The following PRSS23 variants were observed in gnomAD, a reference collection of about 807,000 sequenced individuals.
PRSS23 encodes serine protease 23, also known as protease, serine 23.
A neutral mutation model predicts 34.7 loss-of-function variants in PRSS23; 25 were observed. That is an observed-to-expected ratio of 0.72 (90% CI 0.53 to 1.01). The LOEUF is 1.01. Among genes scored for constraint, PRSS23 ranks in the 50% least tolerant of loss-of-function variants. PRSS23 has a pLI of 0.00. For missense variants in PRSS23, 445 were observed against 475.6 expected (o/e 0.94, Z 0.60); for synonymous variants, 176 against 186.6 (o/e 0.94, Z 0.46).
At chr11:86,814,537 GAAATGTCC>G (rs754397904), downstream of PRSS23, among the ~76,000 whole-genome samples, 23 of 152,184 alleles carry the variant, frequency 1.5e-4, no homozygotes, top group Non-Finnish European at 2.9e-5. Flanking sequence ...GTTATGTTTA[GAAATGTCC>G]CTCTGGCTAT....
chr11:86,939,426 A>ATATATATATATTTTTTTTT lies in PRSS23; in HGVS notation c.207-11789_207-11788insATATATATATTTTTTTTTT. On this transcript the variant is annotated intron_variant, in intron 2 of 2. Coordinates refer to the PRSS23 transcript ENST00000533902. ...AAAATATATATATATATATATATAT[A>ATATATATATATTTTTTTTT]TTTTTTAACATGAGTAAAAATTGCA... Among the ~76,000 whole-genome samples, 53 of 94,060 alleles carry ATATATATATATTTTTTTTT rather than the reference A, an allele frequency of 5.6e-4. 1 individual carries two copies. Among genetic ancestry groups the ATATATATATATTTTTTTTT allele is most frequent in the Non-Finnish European group, 9.5e-4 (41 of 43,160 alleles). The allele number at this position is 94,060 out of a possible 152,430, so 61.7% of individuals were successfully genotyped here.
chr11:86,891,707 C>T (rs1948842083), intron 2 of PRSS23, among the ~76,000 whole-genome samples: 1 of 152,022 alleles, frequency 6.6e-6, no homozygotes, highest in Admixed American at 6.6e-5. Flanking sequence ...AATTGTAATC[C>T]CCATAATCCC....
intron 2 of PRSS23, among the ~76,000 whole-genome samples, chr11:86,906,903 G>GT (rs1476275297): frequency 6.6e-6 from 1 of 152,098 alleles, no homozygotes; most frequent in African/African-American, 2.4e-5. Context: ...GCAATAAGCA[G>GT]TAAGTAGCAG....
At position 86,805,087 on chromosome 11, in the gene PRSS23, G is replaced by C. The variant is rs1178731272; in HGVS notation, c.-13-2544G>C. Among the ~76,000 whole-genome samples, 6 of 152,194 alleles carry C rather than the reference G, an allele frequency of 3.9e-5. No homozygotes were observed. The East Asian group carries it at 1.2e-3, about 29-fold the overall frequency. Reference sequence around the variant, plus strand: ...TTCCCCACATTACTCAAAGGGAGGAGAGAATGGTGCGTTGAAGCCCAAGAT... The same window carrying C: ...TTCCCCACATTACTCAAAGGGAGGACAGAATGGTGCGTTGAAGCCCAAGAT... On this transcript the variant is annotated intron_variant, in intron 1 of 1. Transcript: ENST00000280258.
chr11:86,926,232 G>A (rs2156171), intron 2 of PRSS23, among the ~76,000 whole-genome samples: 90,272 of 151,950 alleles, frequency 0.59, 27,190 homozygotes, highest in Non-Finnish European at 0.65. Context: ...GCGTGGTGCC[G>A]TGCACCTGTA....
At chr11:86,823,298 C>T (rs1044208335) in intron 1 of PRSS23, 12 of 674,748 alleles carry the variant, frequency 1.8e-5, no homozygotes, top group African/African-American at 8.9e-5. Flanking sequence ...ACTGACGGTC[C>T]GAGATGTAGA....
At position 86,838,149 on chromosome 11, in the gene PRSS23, A is replaced by G. The variant is rs145642788; in HGVS notation, c.206+14556A>G. ...CCAGTACACTTCATGTGTTTACAAT[A>G]TAAAATTTGATCTGCATTGACACAG... On this transcript the variant is annotated intron_variant, in intron 2 of 2. Transcript: ENST00000533902. Among the ~76,000 whole-genome samples the G allele has an allele frequency of 4.3e-4, 66 of 152,040 alleles. 1 individual carries two copies. Among genetic ancestry groups the G allele is most frequent in the African/African-American group, 1.5e-3 (64 of 41,454 alleles).
At chr11:86,807,522 G>T in intron 1 of PRSS23, 109 bp from the exon 2 acceptor site, 1 of 1,032,410 alleles carries the variant, frequency 9.7e-7, no homozygotes, top group South Asian at 1.7e-5. Context: ...TTCCTGAGGA[G>T]TGTTCAAAGA....
rs147362913 is a variant in PRSS23 at position 86,904,075 on chromosome 11, AG to A, written c.207-47138del. On this transcript the variant is annotated intron_variant, in intron 2 of 2. Transcript: ENST00000533902. ...CACTATGGCTGGAATGAGGTAAATC[AG>A]GGATAGCATATAGGTCTGAACATGC... Among the ~76,000 whole-genome samples the A allele has an allele frequency of 8.1e-3, 1,227 of 152,298 alleles. 16 individuals carry two copies. Among genetic ancestry groups the A allele is most frequent in the African/African-American group, 0.027 (1,102 of 41,558 alleles).
In PRSS23 at chr11:86,808,117, G is replaced by A. The variant is rs765752213; in HGVS notation, c.474G>A (p.Thr158=). 50 of 1,614,040 alleles carry A rather than the reference G, an allele frequency of 3.1e-5. No individual in the cohort carries two copies. In the Admixed American group the frequency reaches 6.8e-4, roughly 22 times the overall value. Residue 158 remains threonine (T), a synonymous_variant, in exon 2 of 2, where the codon ACG becomes ACA. Transcript: ENST00000280258. ...YPFSTSVKLS[T]GCTGTLVAEK... is the part of the protein sequence containing the mutation. ...TCTCAACATCAGTGAAGTTATCCAC[G>A]GGCTGCACCGGCACCCTGGTGGCAG...
intron 2 of PRSS23, among the ~76,000 whole-genome samples, chr11:86,901,371 C>A (rs1303746218): frequency 6.6e-6 from 1 of 152,106 alleles, no homozygotes; most frequent in Non-Finnish European, 1.5e-5. Context: ...CTGGCTTGAA[C>A]AAAACTACCA....
intron 2 of PRSS23, chr11:86,940,680 C>T (rs1007945588): frequency 1.3e-5 from 2 of 152,222 alleles, no homozygotes; most frequent in Non-Finnish European, 2.9e-5. Context: ...CCTCAGCCCA[C>T]CTTCCCTCCC....
chr11:86,799,132 CGTGTAATACTTGCTGAGAAGGG>C (rs1258976681), upstream of PRSS23, among the ~76,000 whole-genome samples: 2 of 152,070 alleles, frequency 1.3e-5, no homozygotes, highest in African/African-American at 4.8e-5. Flanking sequence ...GTGACTCACG[CGTGTAATACTTGCTGAGAAGGG>C]AGGATACTTG....
chr11:86,828,386 G>T (rs1282087265), intron 2 of PRSS23, among the ~76,000 whole-genome samples: 1 of 152,138 alleles, frequency 6.6e-6, no homozygotes, highest in Non-Finnish European at 1.5e-5. Flanking sequence ...GCCTGTGTGT[G>T]TCTCTGCACA....
intron 2 of PRSS23, among the ~76,000 whole-genome samples, chr11:86,859,074 G>A (rs1948593928): frequency 6.6e-6 from 1 of 151,744 alleles, no homozygotes; most frequent in South Asian, 2.1e-4. Flanking sequence ...TACACCAAAT[G>A]TCACAGGGAC....
At chr11:86,874,164 C>T (rs182848940) in intron 2 of PRSS23, among the ~76,000 whole-genome samples, 2 of 152,110 alleles carry the variant, frequency 1.3e-5, no homozygotes, top group Non-Finnish European at 2.9e-5. Context: ...CAGTGCAGTT[C>T]GAAGGAAGTT....
chr11:86,824,383 A>ATAAATAAAAT (rs1200369120), intron 2 of PRSS23, among the ~76,000 whole-genome samples: 2 of 143,740 alleles, frequency 1.4e-5, no homozygotes, highest in African/African-American at 5.2e-5. Context: ...ATAAAATAAA[A>ATAAATAAAAT]AAACAAAATG....
chr11:86,910,271 GAGATGAT>G (rs1324265950), intron 2 of PRSS23: 1 of 152,106 alleles, frequency 6.6e-6, no homozygotes, highest in African/African-American at 2.4e-5. Context: ...AGACTAAAAG[GAGATGAT>G]AGATGCTGGA....
At chr11:86,910,276 G>A (rs1407216839) in intron 2 of PRSS23, 2 of 152,160 alleles carry the variant, frequency 1.3e-5, no homozygotes. Flanking sequence ...AAAAGGAGAT[G>A]ATAGATGCTG....
Sources: allele counts gnomAD v4.1 joint callset (sites outside exome capture counted in the v4.1 genomes callset), GRCh38; gene constraint gnomAD v4.1.1; transcripts MANE v1.5; gene names NCBI Gene and HGNC (gene_info 2026-07-23, HGNC 2026-07-21).